The following DOC2B variants were observed in gnomAD, a reference collection of about 807,000 sequenced individuals.
The protein encoded by DOC2B is double C2 domain beta, also known as double C2-like domain-containing protein beta.
In DOC2B, 21 loss-of-function variants were observed where a neutral mutation model predicts 28.9. The ratio of observed to expected loss-of-function variants is 0.73; its 90% CI spans 0.52 to 1.05. The LOEUF is 1.05. Among genes scored for constraint, DOC2B ranks in the 50% least tolerant of loss-of-function variants. The probability of loss-of-function intolerance (pLI) is 0.00; values close to 1 mark genes in which losing one functional copy is unlikely to be tolerated. For missense variants in DOC2B, 384 were observed against 421.1 expected (o/e 0.91, Z 0.77); for synonymous variants, 194 against 178.1 (o/e 1.09, Z -0.71).
chr17:161,590 G>T (rs968737791), intron 4 of DOC2B, 49 bp from the exon 5 acceptor site: 23 of 1,549,878 alleles, frequency 1.5e-5, no homozygotes, highest in Non-Finnish European at 2.0e-5. Flanking sequence ...AGACGCACTG[G>T]GCATGGTGGA....
chr17:181,573 T>A lies in DOC2B; in HGVS notation c.-94A>T. On this transcript the variant is annotated 5_prime_UTR_variant, in exon 1 of 9. Coordinates refer to ENST00000613549, the MANE Select transcript of DOC2B (RefSeq NM_003585.5). This position sits in a 1 kb window ranked among gnomAD's most constrained non-coding sequence, Gnocchi z 7.0. ...AGGCCCGGCGGGGCGCGGCGGGGGC[T>A]GCGGGCATCGCCGGCCGCGCCCCCG... 1 of 605,654 alleles carries A rather than the reference T, an allele frequency of 1.7e-6. No individual in the cohort carries two copies. Among genetic ancestry groups the A allele is most frequent in the Non-Finnish European group, 2.1e-6 (1 of 486,342 alleles). The allele number at this position is 605,654 out of a possible 1,614,324, so 37.5% of individuals were successfully genotyped here. A position where few individuals can be genotyped will look rare whatever the true frequency, so the allele number is the denominator to read the frequency against.
At chr17:153,298 T>C (rs1555521992) in intron 6 of DOC2B, among the ~76,000 whole-genome samples, 1 of 152,212 alleles carries the variant, frequency 6.6e-6, no homozygotes, top group African/African-American at 2.4e-5. Flanking sequence ...CCTGTGGAAG[T>C]TGACCAGACC....
chr17:163,217 T>G (rs539464116), intron 3 of DOC2B, among the ~76,000 whole-genome samples: 17 of 152,322 alleles, frequency 1.1e-4, no homozygotes, highest in African/African-American at 3.8e-4. Flanking sequence ...CACACTTCCC[T>G]GGTCATACTC....
intron 5 of DOC2B, among the ~76,000 whole-genome samples, chr17:159,769 G>A (rs868299840): frequency 2.0e-4 from 30 of 152,222 alleles, no homozygotes; most frequent in Middle Eastern, 6.8e-3. Context: ...TCATGGCCAC[G>A]CACAGGGACG....
chr17:180,099 C>A (rs975078758), intron 1 of DOC2B, among the ~76,000 whole-genome samples: 11 of 152,266 alleles, frequency 7.2e-5, no homozygotes, highest in Non-Finnish European at 1.0e-4. Context: ...GGGCCACATC[C>A]CGGGAAGGGC....
intron 4 of DOC2B, 96 bp downstream of exon 4, chr17:161,985 G>A: frequency 1.1e-6 from 1 of 885,648 alleles, no homozygotes; most frequent in Non-Finnish European, 1.8e-6. Flanking sequence ...TGAACCCACA[G>A]GGGACCATCT....
chr17:159,455 C>T (rs1397926702), intron 5 of DOC2B, among the ~76,000 whole-genome samples: 3 of 152,206 alleles, frequency 2.0e-5, no homozygotes, highest in Admixed American at 1.3e-4. Flanking sequence ...GAAACCCCAT[C>T]TCTACCAAAT....
At position 147,450 on chromosome 17, in the gene DOC2B, G is replaced by T. The variant is rs901151420; in HGVS notation, c.1230C>A (p.Leu410=). The T allele has an allele frequency of 1.8e-5, 7 of 398,856 alleles. No homozygotes were observed. In the East Asian group the frequency reaches 1.8e-4, roughly 10 times the overall value. The allele number at this position is 398,856 out of a possible 1,614,324, so 24.7% of individuals were successfully genotyped here. A position where few individuals can be genotyped will look rare whatever the true frequency, so the allele number is the denominator to read the frequency against. ...CAGTGGCGGGTGGGCGTCAGTCGCTGAGCACAGCCCCTGGGAGCTCGCTGG... is the reference window on the plus strand; with the variant it reads ...CAGTGGCGGGTGGGCGTCAGTCGCTTAGCACAGCCCCTGGGAGCTCGCTGG... ...TLTSELPGAV[L]SD Residue 410 remains leucine (L), a synonymous_variant, in exon 9 of 9, where the codon CTC becomes CTA. Coordinates refer to ENST00000613549, the MANE Select transcript of DOC2B (RefSeq NM_003585.5).
chr17:179,401 A>AAAAAAAAAG (rs1375699968), intron 1 of DOC2B, among the ~76,000 whole-genome samples: 13 of 151,894 alleles, frequency 8.6e-5, no homozygotes, highest in East Asian at 3.9e-4. Flanking sequence ...GAGACAGCAA[A>AAAAAAAAAG]AAAAAGAAAA....
chr17:149,912 G>A (rs2040054054), intron 6 of DOC2B, among the ~76,000 whole-genome samples: 1 of 152,238 alleles, frequency 6.6e-6, no homozygotes, highest in South Asian at 2.1e-4. Flanking sequence ...GACTCCCAGA[G>A]TTGTACATCC....
rs926277694 is a variant in DOC2B, at chr17:157,515, G to A, written c.766-1138C>T. Among the ~76,000 whole-genome samples, 12 of 152,376 alleles carry A rather than the reference G, an allele frequency of 7.9e-5. 1 individual carries two copies. The highest frequency in any genetic ancestry group is 1.8e-4 in the Non-Finnish European group (12 of 68,042). ...TGACTCTTGTCACCCAGGCTGGAGT[G>A]CAGTGGCATGATCTTGGCTCACTAC... is the stretch of plus-strand genomic sequence containing the variant. On this transcript the variant is annotated intron_variant, in intron 5 of 8. Coordinates refer to ENST00000613549, the MANE Select transcript of DOC2B (RefSeq NM_003585.5).
chr17:147,851 G>A (rs1269426079), intron 8 of DOC2B, among the ~76,000 whole-genome samples: 3 of 152,218 alleles, frequency 2.0e-5, no homozygotes, highest in Admixed American at 6.5e-5. Flanking sequence ...AGAAAGGGCC[G>A]GGCAGCCCCA....
chr17:177,810 C>G (rs140374113), intron 1 of DOC2B, among the ~76,000 whole-genome samples: 1 of 152,388 alleles, frequency 6.6e-6, no homozygotes, highest in African/African-American at 2.4e-5. Context: ...AAGGAAGGGG[C>G]ACCACAGCCC....
At chr17:149,801 C>CG (rs1473062533) in intron 6 of DOC2B, among the ~76,000 whole-genome samples, 3 of 152,196 alleles carry the variant, frequency 2.0e-5, no homozygotes, top group African/African-American at 7.2e-5. Flanking sequence ...CCACCACCCC[C>CG]GGCCTCAAGC....
At chr17:176,834 A>C (rs186289903) in intron 1 of DOC2B, among the ~76,000 whole-genome samples, 10 of 152,294 alleles carry the variant, frequency 6.6e-5, no homozygotes, top group African/African-American at 2.4e-4. Context: ...TGGGCCTTTG[A>C]GAGTTGTCAC....
At chr17:175,043 C>T (rs910556575) in intron 1 of DOC2B, among the ~76,000 whole-genome samples, 6 of 152,176 alleles carry the variant, frequency 3.9e-5, no homozygotes, top group African/African-American at 9.6e-5. Flanking sequence ...ATTTCAAGAC[C>T]GGCCTGGCCA....
chr17:150,278 G>A (rs1309076300), intron 6 of DOC2B, among the ~76,000 whole-genome samples: 2 of 152,140 alleles, frequency 1.3e-5, no homozygotes, highest in Non-Finnish European at 2.9e-5. Flanking sequence ...TGTGCTCTGG[G>A]GTCTCTGGGG....
At chr17:177,077 T>TTA (rs1555524767) in intron 1 of DOC2B, among the ~76,000 whole-genome samples, 5 of 143,630 alleles carry the variant, frequency 3.5e-5, no homozygotes, top group East Asian at 4.1e-4. Flanking sequence ...TCAAATACTT[T>TTA]AAAAAAAACA....
Position 145,182 on chromosome 17 carries a change from C to G in DOC2B, c.*2259G>C, listed in dbSNP as rs2040010033. 6.6e-6 allele frequency: 1 copy of G among 152,204 alleles called. No individual in the cohort carries two copies. The highest frequency in any genetic ancestry group is 1.5e-5 in the Non-Finnish European group (1 of 68,096). The allele number at this position is 152,204 out of a possible 1,614,324, so 9.4% of individuals were successfully genotyped here. A position where few individuals can be genotyped will look rare whatever the true frequency, so the allele number is the denominator to read the frequency against. ...GTAGCACGGATGGTTTCAAAGCCAG[C>G]GGATGAGGTGGCAGGACAGTGACAA... On this transcript the variant is annotated 3_prime_UTR_variant, in exon 9 of 9. Transcript: ENST00000613549.
Sources: allele counts gnomAD v4.1 joint callset (sites outside exome capture counted in the v4.1 genomes callset), GRCh38; gene constraint gnomAD v4.1.1; non-coding constraint Gnocchi (gnomAD v3.1); transcripts MANE v1.5; gene names NCBI Gene and HGNC (gene_info 2026-07-23, HGNC 2026-07-21).